Variants in OPCML observed in about 807,000 individuals in gnomAD.
OPCML encodes the protein opioid-binding protein/cell adhesion molecule.
In OPCML, 13 loss-of-function variants were observed where a neutral mutation model predicts 37.8. The observed-to-expected ratio is 0.34, with a 90% CI of 0.22 to 0.55. The LOEUF (loss-of-function observed/expected upper bound fraction) is 0.55, where lower values mean the gene tolerates loss of function less well. Among genes scored for constraint, OPCML ranks in the 20% least tolerant of loss-of-function variants. OPCML has a pLI of 0.91. For synonymous variants in OPCML, 176 were observed against 168.8 expected (o/e 1.04, Z -0.33); for missense variants, 341 against 435.6 (o/e 0.78, Z 1.93).
chr11:133,003,941 A>G, intron 1 of OPCML: 1 of 985,400 alleles, frequency 1.0e-6, no homozygotes. Context: ...GGCTGGCAGC[A>G]CCCGGCACAC....
intron 1 of OPCML, among the ~76,000 whole-genome samples, chr11:133,228,505 C>A (rs1414240527): frequency 1.3e-5 from 2 of 152,232 alleles, no homozygotes; most frequent in African/African-American, 4.8e-5. Flanking sequence ...GTCCCTTCAG[C>A]ACCTTCGCGG....
Position 132,720,108 on chromosome 11 carries a change from A to G in OPCML, c.147-62789T>C, listed in dbSNP as rs896595391. Among the ~76,000 whole-genome samples the G allele has an allele frequency of 3.3e-5, 5 of 152,340 alleles. 1 individual carries two copies. In the East Asian group the frequency reaches 9.6e-4, roughly 29 times the overall value. On this transcript the variant is annotated intron_variant, in intron 2 of 7. Coordinates refer to ENST00000524381, the MANE Select transcript of OPCML (RefSeq NM_001012393.5). ...GGAAATATCTCATAACAAATAAATG[A>G]ATGAGCCCTTTGGATTTTACATCAA... is the stretch of plus-strand genomic sequence containing the variant.
At chr11:133,410,633 G>GAAAAA (rs1491473624) in intron 1 of OPCML, among the ~76,000 whole-genome samples, 1 of 8,230 alleles carries the variant, frequency 1.2e-4, no homozygotes, top group Non-Finnish European at 2.7e-4. Context: ...AAGAAAAAAA[G>GAAAAA]TAAAAAAAAA....
chr11:133,487,804 C>T (rs1044665527), intron 1 of OPCML, among the ~76,000 whole-genome samples: 54 of 129,258 alleles, frequency 4.2e-4, no homozygotes, highest in Admixed American at 3.8e-3. Context: ...TGTGTGTGTG[C>T]GTGTGTGTAA....
intron 2 of OPCML, among the ~76,000 whole-genome samples, chr11:132,804,193 C>CAGAG (rs1309746143): frequency 1.3e-5 from 2 of 152,102 alleles, no homozygotes; most frequent in Non-Finnish European, 2.9e-5. Flanking sequence ...TGCAGGAAGT[C>CAGAG]AGAGTCAAAG....
intron 2 of OPCML, among the ~76,000 whole-genome samples, chr11:132,931,360 C>T (rs80183082): frequency 0.051 from 7,811 of 152,104 alleles, 311 homozygotes; most frequent in Middle Eastern, 0.15. Flanking sequence ...CATCAAAAGA[C>T]ACTATCAAAA....
At chr11:133,476,957 T>A (rs906922407) in intron 1 of OPCML, among the ~76,000 whole-genome samples, 32 of 152,010 alleles carry the variant, frequency 2.1e-4, no homozygotes, top group African/African-American at 7.5e-4. Context: ...CTAGACTGGG[T>A]GTGAAGGGGA....
At chr11:132,963,853 G>T (rs1946150699) in intron 1 of OPCML, among the ~76,000 whole-genome samples, 1 of 151,972 alleles carries the variant, frequency 6.6e-6, no homozygotes, top group African/African-American at 2.4e-5. Flanking sequence ...TATCCTAGCT[G>T]CACGTTAGGG....
intron 4 of OPCML, among the ~76,000 whole-genome samples, chr11:132,491,646 A>C (rs2096215996): frequency 6.6e-6 from 1 of 152,232 alleles, no homozygotes; most frequent in South Asian, 2.1e-4. Flanking sequence ...TTACATATTT[A>C]ATTCATTCAT....
chr11:133,337,466 A>G (rs1943767888), intron 1 of OPCML, among the ~76,000 whole-genome samples: 1 of 152,152 alleles, frequency 6.6e-6, no homozygotes, highest in Non-Finnish European at 1.5e-5. Context: ...GCCAGTAACA[A>G]CAGAGACTGC....
chr11:133,279,439 A>G (rs1244228817), intron 1 of OPCML, among the ~76,000 whole-genome samples: 1 of 152,174 alleles, frequency 6.6e-6, no homozygotes, highest in African/African-American at 2.4e-5. Context: ...TCCAACATTA[A>G]TTTCCTGTCT....
chr11:132,686,754 T>G (rs1471832095), intron 2 of OPCML, among the ~76,000 whole-genome samples: 5 of 152,246 alleles, frequency 3.3e-5, no homozygotes, highest in Non-Finnish European at 5.9e-5. Context: ...TTTTTCCACG[T>G]GTTCTATTCT....
intron 2 of OPCML, among the ~76,000 whole-genome samples, chr11:132,737,539 CTA>C (rs1234281891): frequency 7.2e-5 from 11 of 152,134 alleles, no homozygotes; most frequent in Non-Finnish European, 1.5e-4. Context: ...TTATGTGATA[CTA>C]TATATTCTTC....
chr11:132,729,471 T>A (rs759951985), intron 2 of OPCML, among the ~76,000 whole-genome samples: 10 of 152,186 alleles, frequency 6.6e-5, no homozygotes, highest in Non-Finnish European at 1.3e-4. Flanking sequence ...CACACCTGTG[T>A]CAGGAACAGA....
intron 3 of OPCML, among the ~76,000 whole-genome samples, chr11:132,591,607 T>A (rs984115918): frequency 6.6e-6 from 1 of 152,214 alleles, no homozygotes; most frequent in African/African-American, 2.4e-5. Context: ...CATATCGCCT[T>A]GAACAAGCGA....
chr11:133,081,239 G>A (rs1188745726), intron 1 of OPCML, among the ~76,000 whole-genome samples: 2 of 152,050 alleles, frequency 1.3e-5, no homozygotes, highest in African/African-American at 2.4e-5. Flanking sequence ...GGAGGGTTAG[G>A]GCTCTTTGAA....
chr11:133,277,775 T>C (rs549711518), intron 1 of OPCML, among the ~76,000 whole-genome samples: 208 of 152,142 alleles, frequency 1.4e-3, no homozygotes, highest in African/African-American at 4.5e-3. Flanking sequence ...TGCTTAAATA[T>C]ATATATATGT....
chr11:132,614,173 G>A (rs779365174), intron 3 of OPCML, among the ~76,000 whole-genome samples: 2 of 151,986 alleles, frequency 1.3e-5, no homozygotes, highest in Non-Finnish European at 2.9e-5. Context: ...GGTTCAATCC[G>A]CTGCTTGTGC....
chr11:132,830,684 C>T lies in OPCML; in HGVS notation c.146+112242G>A, dbSNP rs1940633101. ...AAAGAGATTCATTTGCAGAACATAACCAGGAGGAGCAGAGGTTTAGGAGCG... is the reference window on the plus strand; with the variant it reads ...AAAGAGATTCATTTGCAGAACATAATCAGGAGGAGCAGAGGTTTAGGAGCG... On this transcript the variant is annotated intron_variant, in intron 2 of 7. Transcript: ENST00000524381. Among the ~76,000 whole-genome samples the T allele has an allele frequency of 2.6e-5, 4 of 152,180 alleles. No individual in the cohort carries two copies. In the South Asian group the frequency reaches 8.3e-4, roughly 32 times the overall value.
Sources: allele counts gnomAD v4.1 joint callset (sites outside exome capture counted in the v4.1 genomes callset), GRCh38; gene constraint gnomAD v4.1.1; transcripts MANE v1.5; gene names NCBI Gene and HGNC (gene_info 2026-07-23, HGNC 2026-07-21).